Variants in HIVEP2 observed in about 807,000 individuals in gnomAD.
The protein encoded by HIVEP2 is transcription factor HIVEP2.
A neutral mutation model predicts 180.7 loss-of-function variants in HIVEP2; 14 were observed. That is an observed-to-expected ratio of 0.08 (90% CI 0.05 to 0.12). The LOEUF (loss-of-function observed/expected upper bound fraction) is 0.12. HIVEP2 is among the 10% of genes least tolerant of loss of function. The pLI is 1.00. For synonymous variants in HIVEP2, 1,184 were observed against 1,136.4 expected (o/e 1.04, Z -0.84); for missense variants, 2,579 against 3,008.5 (o/e 0.86, Z 3.34).
At chr6:142,769,180 C>G (rs1423634126) in intron 5 of HIVEP2, among the ~76,000 whole-genome samples, 1 of 152,150 alleles carries the variant, frequency 6.6e-6, no homozygotes, top group Non-Finnish European at 1.5e-5. Flanking sequence ...GCTCTATGGC[C>G]CACTTCACAA....
chr6:142,759,275 C>A (rs542899634), intron 9 of HIVEP2, among the ~76,000 whole-genome samples: 31 of 151,862 alleles, frequency 2.0e-4, no homozygotes, highest in Non-Finnish European at 3.8e-4. Context: ...TGCACTCCAG[C>A]CTGGGTGAAA....
In HIVEP2 at chr6:142,773,476, A is replaced by G. The variant is rs1228958299; in HGVS notation, c.1263T>C (p.Tyr421=). ...AGTATTTTCCAAAGATGATTTCTTC[A>G]TAAGACTTTGCATTTGTGTTGGGAG... is the stretch of plus-strand genomic sequence containing the variant. ...ISPPNTNAKS[Y]EEIIFGKYCR... is the part of the protein sequence containing the mutation. Residue 421 remains tyrosine (Y), a synonymous_variant, in exon 5 of 10, where the codon TAT becomes TAC. Transcript: ENST00000367603. The G allele has an allele frequency of 1.9e-6, 3 of 1,614,214 alleles. No homozygotes were observed. The highest frequency in any genetic ancestry group is 2.5e-6 in the Non-Finnish European group (3 of 1,180,038).
At chr6:142,793,420 T>C (rs1421108721) in intron 2 of HIVEP2, among the ~76,000 whole-genome samples, 1 of 152,132 alleles carries the variant, frequency 6.6e-6, no homozygotes, top group African/African-American at 2.4e-5. Context: ...TAACCAATAA[T>C]TTAACAAAGG....
In HIVEP2 at chr6:142,773,339, T is replaced by G. The variant is rs775026663; in HGVS notation, c.1400A>C (p.Asp467Ala). The G allele has an allele frequency of 3.1e-6, 5 of 1,614,204 alleles. No homozygotes were observed. The highest frequency in any genetic ancestry group is 4.2e-6 in the Non-Finnish European group (5 of 1,180,032). Reference sequence around the variant, plus strand: ...AACAGGATCTTCAAACATCTTGACATCTAACCTGGTGTTAACGTGAGGTAA... The same window carrying G: ...AACAGGATCTTCAAACATCTTGACAGCTAACCTGGTGTTAACGTGAGGTAA... The part of the protein sequence containing the change: ...EPLPHVNTRL[D>A]VKMFEDPVSQ... The change falls in exon 5 of 10, where the codon GAT (aspartate) becomes GCT (alanine). Residue 467 changes from aspartate to alanine, a missense_variant. Physicochemically the swap from Asp to Ala is moderately radical, Grantham distance 126 (BLOSUM62 -2). Around this residue, in one of 11 missense-constraint regions of HIVEP2, gnomAD observed 524 missense variants for 563.6 expected, o/e 0.93. Transcript: ENST00000367603.
intron 2 of HIVEP2, among the ~76,000 whole-genome samples, chr6:142,799,381 C>T (rs1448991962): frequency 6.6e-6 from 1 of 152,068 alleles, no homozygotes; most frequent in Non-Finnish European, 1.5e-5. Context: ...TATGGTAACA[C>T]CTAGGCATCC....
At chr6:142,944,299 C>A (rs188469932) in intron 1 of HIVEP2, among the ~76,000 whole-genome samples, 7 of 151,350 alleles carry the variant, frequency 4.6e-5, no homozygotes, top group African/African-American at 1.7e-4. Context: ...GCGGGAGGCA[C>A]ATGCGTATAA....
At chr6:142,871,574 C>T (rs1235036109) in intron 1 of HIVEP2, among the ~76,000 whole-genome samples, 1 of 150,714 alleles carries the variant, frequency 6.6e-6, no homozygotes, top group Admixed American at 6.6e-5. Flanking sequence ...CCTAGAAATA[C>T]AAAATTTACC....
chr6:142,944,785 T>A (rs568041486), intron 1 of HIVEP2: 1 of 152,662 alleles, frequency 6.6e-6, no homozygotes, highest in South Asian at 2.1e-4. Context: ...CAAACACGCA[T>A]GCAAACCGCC....
At chr6:142,866,445 T>G (rs1010629088) in intron 1 of HIVEP2, among the ~76,000 whole-genome samples, 1 of 152,182 alleles carries the variant, frequency 6.6e-6, no homozygotes, top group Non-Finnish European at 1.5e-5. Flanking sequence ...TTCCCATTAG[T>G]AGACAGTTCC....
intron 1 of HIVEP2, among the ~76,000 whole-genome samples, chr6:142,891,344 T>A (rs536750280): frequency 6.6e-6 from 1 of 151,874 alleles, no homozygotes; most frequent in South Asian, 2.1e-4. Context: ...CATCAAGAAT[T>A]TTAGCAAAAT....
chr6:142,764,993 A>G lies in HIVEP2; in HGVS notation c.5343-19T>C. On this transcript the variant is annotated intron_variant, in intron 6 of 9. Transcript: ENST00000367603. ...TTTGTACCTGTTTTAAAAAGAGGGA[A>G]TCCAGTGTGTTTTCAAATATTCTTA... 1 of 1,587,446 alleles carries G rather than the reference A, an allele frequency of 6.3e-7. No individual in the cohort carries two copies. Among genetic ancestry groups the G allele is most frequent in the East Asian group, 2.3e-5 (1 of 44,236 alleles).
Position 142,775,047 on chromosome 6 carries a change from G to A in HIVEP2, c.-309C>T. On this transcript the variant is annotated 5_prime_UTR_variant, in exon 5 of 10. Coordinates refer to ENST00000367603, the MANE Select transcript of HIVEP2 (RefSeq NM_006734.4). Reference sequence around the variant, plus strand: ...AAATTTTCAACTAGGATGAAATTGGGATGATGAATAGTCTAGGAGAAATTT... The same window carrying A: ...AAATTTTCAACTAGGATGAAATTGGAATGATGAATAGTCTAGGAGAAATTT... 1 of 1,097,910 alleles carries A rather than the reference G, an allele frequency of 9.1e-7. No homozygotes were observed. The highest frequency in any genetic ancestry group is 1.1e-6 in the Non-Finnish European group (1 of 901,056). 68.0% of individuals were successfully genotyped at this position (1,097,910 alleles called of 1,614,324 possible).
At chr6:142,908,135 C>T (rs546926623) in intron 1 of HIVEP2, among the ~76,000 whole-genome samples, 1 of 152,298 alleles carries the variant, frequency 6.6e-6, no homozygotes, top group South Asian at 2.1e-4. Flanking sequence ...AGATCCTAAC[C>T]TTGTATATTT....
At chr6:142,778,596 T>C (rs1270974843) in intron 3 of HIVEP2, among the ~76,000 whole-genome samples, 2 of 152,204 alleles carry the variant, frequency 1.3e-5, no homozygotes, top group Non-Finnish European at 2.9e-5. Context: ...TGTCATTTAC[T>C]ATATATTTAC....
rs148020683 is a variant in HIVEP2 at position 142,943,068 on chromosome 6, A to C, written c.-641+2031T>G. Among the ~76,000 whole-genome samples, 220 of 152,312 alleles carry C rather than the reference A, an allele frequency of 1.4e-3. 1 individual carries two copies. Among genetic ancestry groups the C allele is most frequent in the African/African-American group, 5.0e-3 (208 of 41,584 alleles). ...GTAAATCCCTTTCAGCTCACAATGC[A>C]AATGTACAGTTGTCATTTGGTACTA... On this transcript the variant is annotated intron_variant, in intron 1 of 9. Transcript: ENST00000367603. This position sits in a 1 kb window ranked among gnomAD's most constrained non-coding sequence, Gnocchi z 4.5.
At chr6:142,926,231 T>G (rs1384822493) in intron 1 of HIVEP2, among the ~76,000 whole-genome samples, 5 of 152,252 alleles carry the variant, frequency 3.3e-5, no homozygotes, top group Non-Finnish European at 1.5e-5. Context: ...AAAGTCCATC[T>G]AATAATTTCA....
chr6:142,755,873 C>G (rs1029648622), intron 9 of HIVEP2, among the ~76,000 whole-genome samples: 3 of 152,184 alleles, frequency 2.0e-5, no homozygotes, highest in African/African-American at 7.2e-5. Flanking sequence ...GGCATTTCTA[C>G]ACATCCTCTC....
In HIVEP2 at chr6:142,854,102, C is replaced by T. The variant is rs191754798; in HGVS notation, c.-640-17055G>A. Among the ~76,000 whole-genome samples the T allele has an allele frequency of 9.7e-4, 148 of 152,232 alleles. 2 individuals carry two copies. Among genetic ancestry groups the T allele is most frequent in the African/African-American group, 3.4e-3 (142 of 41,524 alleles). On this transcript the variant is annotated intron_variant, in intron 1 of 9. Coordinates refer to ENST00000367603, the MANE Select transcript of HIVEP2 (RefSeq NM_006734.4). ...AAGCTCTGTGTTGTTCATAAAAACC[C>T]GGTTCAGGCTGGTGGCTGTGCCATC... is the stretch of plus-strand genomic sequence containing the variant.
At chr6:142,863,739 G>T (rs1776063874) in intron 1 of HIVEP2, among the ~76,000 whole-genome samples, 3 of 152,074 alleles carry the variant, frequency 2.0e-5, no homozygotes, top group Non-Finnish European at 4.4e-5. Context: ...TTTGCATATT[G>T]CACATTTTGA....
Sources: allele counts gnomAD v4.1 joint callset (sites outside exome capture counted in the v4.1 genomes callset), GRCh38; gene constraint gnomAD v4.1.1; regional missense constraint gnomAD v4.1.1; non-coding constraint Gnocchi (gnomAD v3.1); transcripts MANE v1.5; gene names NCBI Gene and HGNC (gene_info 2026-07-23, HGNC 2026-07-21).